Variants in OPA1 observed in about 807,000 individuals in gnomAD.
The protein encoded by OPA1 is OPA1 mitochondrial dynamin like GTPase, also known as dynamin-like GTPase OPA1, mitochondrial.
Under a neutral mutation model 152.9 loss-of-function variants are expected in OPA1, and 59 were observed. That is an observed-to-expected ratio of 0.39 (90% CI 0.31 to 0.48). OPA1 has a LOEUF of 0.48. Ranked by LOEUF, OPA1 falls within the 20% of genes least tolerant of loss-of-function variation. The probability of loss-of-function intolerance (pLI) is 0.96; values close to 1 mark genes in which losing one functional copy is unlikely to be tolerated. For synonymous variants in OPA1, 400 were observed against 389.9 expected (o/e 1.03, Z -0.31); for missense variants, 1,008 against 1,216.8 (o/e 0.83, Z 2.55).
Position 193,642,147 on chromosome 3 carries a change from T to G in OPA1, c.1150-618T>G, listed in dbSNP as rs1733871115. Among the ~76,000 whole-genome samples the G allele has an allele frequency of 2.0e-5, 3 of 152,100 alleles. No homozygotes were observed. The South Asian group carries it at 6.2e-4, about 32-fold the overall frequency. On this transcript the variant is annotated intron_variant, in intron 11 of 30. Transcript: ENST00000361510. Reference sequence around the variant, plus strand: ...AACAAAAAAACAAACAAAACAAAATTTCTTACCCAAATATCACTCCTTGAG... The same window carrying G: ...AACAAAAAAACAAACAAAACAAAATGTCTTACCCAAATATCACTCCTTGAG...
intron 3 of OPA1, among the ~76,000 whole-genome samples, chr3:193,616,612 A>G (rs529181272): frequency 6.6e-6 from 1 of 152,310 alleles, no homozygotes; most frequent in East Asian, 1.9e-4. Flanking sequence ...GTCTGTTAGT[A>G]TCCAGGGTAA....
At chr3:193,597,732 G>A (rs192500248) in intron 1 of OPA1, among the ~76,000 whole-genome samples, 42 of 151,000 alleles carry the variant, frequency 2.8e-4, no homozygotes, top group African/African-American at 9.5e-4. Context: ...AGGATGGTTT[G>A]GCTTTTATTT....
chr3:193,629,112 C>T (rs1314847533), intron 7 of OPA1, among the ~76,000 whole-genome samples: 1 of 151,972 alleles, frequency 6.6e-6, no homozygotes, highest in African/African-American at 2.4e-5. Flanking sequence ...GGGGTTTCTT[C>T]ATGTTGGTCA....
rs761655742 is a variant in OPA1, at chr3:193,644,010, G to C, written c.1513G>C (p.Asp505His). ...GGATGCTGAACGCAGTATTGTTACA[G>C]ACTTGGTCAGTCAAATGGACCCTCA... Reference protein sequence around the residue: ...SVDAERSIVTDLVSQMDPHGR... With the variant: ...SVDAERSIVTHLVSQMDPHGR... The change falls in exon 16 of 31, where the codon GAC (aspartate) becomes CAC (histidine). Residue 505 changes from aspartate to histidine, a missense_variant. By Grantham distance (81) the Asp-to-His change is moderately conservative. Around this residue, in one of 7 missense-constraint regions of OPA1, gnomAD observed 213 missense variants for 291.4 expected, o/e 0.73. Coordinates refer to ENST00000361510, the MANE Select transcript of OPA1 (RefSeq NM_130837.3). The C allele has an allele frequency of 6.2e-7, 1 of 1,613,712 alleles. No individual in the cohort carries two copies. The highest frequency in any genetic ancestry group is 1.7e-5 in the Admixed American group (1 of 59,998).
chr3:193,676,979 C>CGAAAAAAAAAAAAAAAAAAAA (rs1560064032), intron 29 of OPA1, among the ~76,000 whole-genome samples: 1 of 70,834 alleles, frequency 1.4e-5, no homozygotes. Flanking sequence ...AGACTCGTCT[C>CGAAAAAAAAAAAAAAAAAAAA]AAAAAAAAAA....
intron 8 of OPA1, among the ~76,000 whole-genome samples, chr3:193,635,209 T>C (rs1320966030): frequency 2.0e-5 from 3 of 152,206 alleles, no homozygotes; most frequent in Non-Finnish European, 4.4e-5. Flanking sequence ...TTCTTAATTA[T>C]GATAGAAAAT....
intron 4 of OPA1, 75 bp from the exon 5 acceptor site, chr3:193,617,709 G>A (rs1729285037): frequency 9.2e-7 from 1 of 1,091,280 alleles, no homozygotes; most frequent in Non-Finnish European, 1.4e-6. Context: ...TGAAATCTGA[G>A]ATCTCAGACA....
intron 1 of OPA1, among the ~76,000 whole-genome samples, chr3:193,613,631 G>A (rs539232274): frequency 2.0e-5 from 3 of 151,568 alleles, no homozygotes; most frequent in African/African-American, 7.3e-5. Flanking sequence ...AGGCTGGAGT[G>A]CAGTGGTGTG....
intron 1 of OPA1, among the ~76,000 whole-genome samples, chr3:193,604,775 G>T (rs555240432): frequency 1.8e-4 from 27 of 146,738 alleles, no homozygotes; most frequent in Non-Finnish European, 3.9e-4. Flanking sequence ...CAGGAGAATC[G>T]CTTGAACCCA....
intron 29 of OPA1, among the ~76,000 whole-genome samples, chr3:193,669,496 T>A (rs1216821893): frequency 6.6e-6 from 1 of 152,218 alleles, no homozygotes; most frequent in Non-Finnish European, 1.5e-5. Flanking sequence ...AGCCTTAGCT[T>A]CTTTATTTGT....
chr3:193,608,057 CTG>C (rs1560316741), intron 1 of OPA1, among the ~76,000 whole-genome samples: 1 of 152,122 alleles, frequency 6.6e-6, no homozygotes, highest in Admixed American at 6.6e-5. Context: ...ATTTGGCTCT[CTG>C]TTTGTCTGTT....
At chr3:193,645,696 T>A in intron 17 of OPA1, 32 bp from the exon 18 acceptor site, 1 of 1,606,652 alleles carries the variant, frequency 6.2e-7, no homozygotes, top group Non-Finnish European at 8.5e-7. Context: ...AGTAATTTTC[T>A]TGATGAAAAT....
intron 18 of OPA1, among the ~76,000 whole-genome samples, chr3:193,646,099 C>T (rs1195907100): frequency 1.3e-5 from 2 of 152,088 alleles, no homozygotes; most frequent in Non-Finnish European, 2.9e-5. Flanking sequence ...TTTAGAAAAT[C>T]GACGCTTTCA....
intron 1 of OPA1, among the ~76,000 whole-genome samples, chr3:193,601,038 GC>G (rs1424163301): frequency 7.2e-5 from 11 of 152,270 alleles, no homozygotes; most frequent in Admixed American, 5.9e-4. Context: ...ATCTAAGACT[GC>G]ATGATCTTCC....
chr3:193,603,803 A>G (rs936474627), intron 1 of OPA1, among the ~76,000 whole-genome samples: 3 of 152,206 alleles, frequency 2.0e-5, no homozygotes, highest in African/African-American at 7.2e-5. Context: ...GGACCCATCA[A>G]CAAAAAGTGT....
intron 11 of OPA1, among the ~76,000 whole-genome samples, chr3:193,638,684 A>G (rs1359337997): frequency 6.6e-6 from 1 of 152,240 alleles, no homozygotes; most frequent in Non-Finnish European, 1.5e-5. Context: ...ATCTTCGGCC[A>G]ACAACTTTTT....
At chr3:193,612,697 A>G (rs1728439736) in intron 1 of OPA1, among the ~76,000 whole-genome samples, 1 of 152,208 alleles carries the variant, frequency 6.6e-6, no homozygotes, top group African/African-American at 2.4e-5. Context: ...CATAATTTTT[A>G]TACGTAAAAT....
intron 25 of OPA1, among the ~76,000 whole-genome samples, chr3:193,661,662 T>G (rs1021513791): frequency 1.5e-4 from 23 of 152,342 alleles, no homozygotes; most frequent in African/African-American, 4.8e-4. Context: ...CTTTGAAACA[T>G]TCTCGCCTTG....
At chr3:193,622,140 A>G (rs1730200040) in intron 6 of OPA1, among the ~76,000 whole-genome samples, 2 of 152,022 alleles carry the variant, frequency 1.3e-5, no homozygotes, top group Non-Finnish European at 2.9e-5. Context: ...CATGGCCCAA[A>G]TCATGAAAAG....
Sources: allele counts gnomAD v4.1 joint callset (sites outside exome capture counted in the v4.1 genomes callset), GRCh38; gene constraint gnomAD v4.1.1; regional missense constraint gnomAD v4.1.1; transcripts MANE v1.5; gene names NCBI Gene and HGNC (gene_info 2026-07-23, HGNC 2026-07-21).